Variants in PDE10A observed in about 807,000 individuals in gnomAD.
PDE10A encodes phosphodiesterase 10A.
Under a neutral mutation model 97.7 loss-of-function variants are expected in PDE10A, and 39 were observed. That is an observed-to-expected ratio of 0.40 (90% CI 0.31 to 0.52). PDE10A has a LOEUF of 0.52. Ranked by LOEUF, PDE10A falls within the 20% of genes least tolerant of loss-of-function variation. PDE10A has a pLI of 0.56. For synonymous variants in PDE10A, 371 were observed against 376.8 expected, an observed-to-expected ratio of 0.98 and a Z score of 0.18; for missense variants, 731 against 1,047.8, an observed-to-expected ratio of 0.70 and a Z score of 4.17.
chr6:165,513,962 T>C (rs1328073582), intron 2 of PDE10A, among the ~76,000 whole-genome samples: 1 of 152,200 alleles, frequency 6.6e-6, no homozygotes, highest in Non-Finnish European at 1.5e-5. Flanking sequence ...CAGTTTTAGT[T>C]CTTCCTATCA....
At chr6:165,686,996 T>C (rs1438526712) in intron 1 of PDE10A, among the ~76,000 whole-genome samples, 1 of 152,272 alleles carries the variant, frequency 6.6e-6, no homozygotes, top group African/African-American at 2.4e-5. Context: ...TCTCTTAAAT[T>C]ACTTTTCAAA....
intron 1 of PDE10A, among the ~76,000 whole-genome samples, chr6:165,632,127 G>A (rs139843713): frequency 0.011 from 1,706 of 151,022 alleles, 30 homozygotes; most frequent in African/African-American, 0.039. Flanking sequence ...TTGAACCCAG[G>A]AGGCGGAGGT....
At chr6:165,834,699 C>T (rs750245282) in intron 1 of PDE10A, among the ~76,000 whole-genome samples, 1 of 151,356 alleles carries the variant, frequency 6.6e-6, no homozygotes, top group East Asian at 1.9e-4. Context: ...TGGCTCTGTT[C>T]TGGAGGCAGC....
intron 21 of PDE10A, 64 bp from the exon 22 acceptor site, chr6:165,333,191 A>G (rs1331581890): frequency 2.0e-6 from 2 of 988,724 alleles, no homozygotes; most frequent in African/African-American, 1.6e-5. Context: ...TTGTCTTGAA[A>G]ACTAACCAAA....
At chr6:165,365,593 T>A (rs1320450891) in intron 18 of PDE10A, among the ~76,000 whole-genome samples, 1 of 152,116 alleles carries the variant, frequency 6.6e-6, no homozygotes, top group Non-Finnish European at 1.5e-5. Context: ...TTGCCTATGG[T>A]CTCAGCTATT....
At chr6:165,855,136 G>A (rs1204133152) in intron 1 of PDE10A, among the ~76,000 whole-genome samples, 1 of 152,098 alleles carries the variant, frequency 6.6e-6, no homozygotes. Context: ...AGGACTGACC[G>A]CAGACCCGCC....
chr6:165,458,351 G>A (rs1292397049), intron 3 of PDE10A, among the ~76,000 whole-genome samples: 1 of 152,106 alleles, frequency 6.6e-6, no homozygotes, highest in Admixed American at 6.5e-5. Flanking sequence ...GATTAGGTCA[G>A]GAGAATAGAG....
At chr6:165,472,105 A>G (rs1395383542) in intron 3 of PDE10A, among the ~76,000 whole-genome samples, 1 of 152,134 alleles carries the variant, frequency 6.6e-6, no homozygotes, top group Non-Finnish European at 1.5e-5. Flanking sequence ...GGAATTACTC[A>G]GCAAAAGCTT....
intron 1 of PDE10A, among the ~76,000 whole-genome samples, chr6:165,908,107 C>T (rs1357095174): frequency 1.3e-5 from 2 of 152,198 alleles, no homozygotes; most frequent in African/African-American, 4.8e-5. Context: ...GGAGCAAGAA[C>T]ACTTTGAAAA....
At chr6:165,877,998 T>C (rs1424450123) in intron 1 of PDE10A, among the ~76,000 whole-genome samples, 1 of 152,206 alleles carries the variant, frequency 6.6e-6, no homozygotes, top group Admixed American at 6.5e-5. Flanking sequence ...CATGCACTTA[T>C]GCAACACCCT....
At chr6:165,855,303 G>T (rs1428893338) in intron 1 of PDE10A, among the ~76,000 whole-genome samples, 1 of 63,596 alleles carries the variant, frequency 1.6e-5, no homozygotes, top group East Asian at 3.1e-4. Context: ...CGCGGGAAGT[G>T]GCGGGGGGGG....
intron 2 of PDE10A, among the ~76,000 whole-genome samples, chr6:165,536,042 C>T (rs1490099845): frequency 1.3e-5 from 2 of 152,000 alleles, no homozygotes; most frequent in African/African-American, 4.8e-5. Flanking sequence ...AAGCTGGTGA[C>T]ATCACATTAC....
At chr6:165,617,189 A>G (rs963665447) in intron 1 of PDE10A, among the ~76,000 whole-genome samples, 1 of 152,202 alleles carries the variant, frequency 6.6e-6, no homozygotes, top group African/African-American at 2.4e-5. Context: ...ATTCATTCTT[A>G]GCGAAGGAAG....
chr6:165,838,072 A>T (rs1780117226), intron 1 of PDE10A, among the ~76,000 whole-genome samples: 5 of 152,238 alleles, frequency 3.3e-5, no homozygotes, highest in Admixed American at 3.3e-4. Flanking sequence ...TCTGCCCGTG[A>T]ACTAGAAAGG....
intron 1 of PDE10A, chr6:165,949,107 T>G (rs183783800): frequency 1.4e-4 from 21 of 152,376 alleles, no homozygotes; most frequent in Admixed American, 1.3e-3. Context: ...CAGAAAAGAT[T>G]GTTACCTTTA....
chr6:165,388,391 G>A lies in PDE10A; in HGVS notation c.2517C>T (p.Ser839=), dbSNP rs1277719023. 6.2e-7 allele frequency: 1 copy of A among 1,614,040 alleles called. No homozygotes were observed. The highest frequency in any genetic ancestry group is 1.1e-5 in the South Asian group (1 of 91,082). The change falls in exon 17 of 22, where the codon AGC becomes AGT. Residue 839 remains serine, a synonymous_variant. Coordinates refer to ENST00000539869, the MANE Select transcript of PDE10A (RefSeq NM_001385079.1). The surrounding 1 kb of genome is among the most constrained non-coding windows in gnomAD (Gnocchi z 4.0). The part of the protein sequence containing the change: ...HDLDHRGFSN[S]YLQKFDHPLA... ...GAGGGTGGTCGAACTTCTGCAGGTA[G>A]CTGTTACTGAAGCCCCTGTGGTCCA...
chr6:165,411,971 G>A (rs1442277025), intron 13 of PDE10A, among the ~76,000 whole-genome samples: 2 of 151,794 alleles, frequency 1.3e-5, no homozygotes, highest in Non-Finnish European at 2.9e-5. Flanking sequence ...AAAAATTCAC[G>A]AACAGTTATA....
rs764523934 is a variant in PDE10A at position 165,696,750 on chromosome 6, G to A, written c.-614-153182C>T. On this transcript the variant is annotated intron_variant, in intron 1 of 19. Transcript: ENST00000366882. The stretch of plus-strand genomic sequence containing the variant: ...AGATTTAACATATTTCAAACTAGTC[G>A]TTGTAAATATGTTCACACAACTAAA... Among the ~76,000 whole-genome samples, 30 of 152,268 alleles carry A rather than the reference G, an allele frequency of 2.0e-4. 1 individual carries two copies. The highest frequency in any genetic ancestry group is 3.7e-4 in the Non-Finnish European group (25 of 68,022).
At chr6:165,603,198 G>C (rs1490020207) in intron 1 of PDE10A, among the ~76,000 whole-genome samples, 1 of 152,084 alleles carries the variant, frequency 6.6e-6, no homozygotes, top group Non-Finnish European at 1.5e-5. Context: ...GTACAATAGG[G>C]GCCATGAAGC....
Sources: allele counts gnomAD v4.1 joint callset (sites outside exome capture counted in the v4.1 genomes callset), GRCh38; gene constraint gnomAD v4.1.1; non-coding constraint Gnocchi (gnomAD v3.1); transcripts MANE v1.5; gene names NCBI Gene and HGNC (gene_info 2026-07-23, HGNC 2026-07-21).